Variants in TTC28 observed in about 807,000 individuals in gnomAD.
TTC28 encodes the protein tetratricopeptide repeat protein 28.
A neutral mutation model predicts 198.0 loss-of-function variants in TTC28; 61 were observed. That is an observed-to-expected ratio of 0.31 (90% CI 0.25 to 0.38). The LOEUF (loss-of-function observed/expected upper bound fraction) is 0.38, where lower values mean the gene tolerates loss of function less well. Ranked by LOEUF, TTC28 falls within the 10% of genes least tolerant of loss-of-function variation. TTC28 has a pLI of 1.00. For missense variants in TTC28, 2,678 were observed against 3,164.0 expected (o/e 0.85, Z 3.69); for synonymous variants, 1,171 against 1,297.8 (o/e 0.90, Z 2.10).
At chr22:28,035,838 T>TA (rs1939318857) in intron 12 of TTC28, among the ~76,000 whole-genome samples, 1 of 152,320 alleles carries the variant, frequency 6.6e-6, no homozygotes, top group Non-Finnish European at 1.5e-5. Context: ...GTTGCAATCT[T>TA]AGTCTCTGAT....
intron 5 of TTC28, among the ~76,000 whole-genome samples, chr22:28,164,204 C>T (rs1201963892): frequency 1.3e-5 from 2 of 152,226 alleles, no homozygotes; most frequent in Non-Finnish European, 2.9e-5. Flanking sequence ...CTTCTGTAGA[C>T]TCCACCTCTG....
intron 5 of TTC28, among the ~76,000 whole-genome samples, chr22:28,187,552 A>G (rs1924314337): frequency 6.6e-6 from 1 of 152,208 alleles, no homozygotes; most frequent in South Asian, 2.1e-4. Context: ...ACTGTTTCTC[A>G]GCACATCCAG....
intron 2 of TTC28, among the ~76,000 whole-genome samples, chr22:28,440,048 C>T (rs376406390): frequency 1.9e-4 from 29 of 152,204 alleles, no homozygotes; most frequent in African/African-American, 6.3e-4. Flanking sequence ...GCTGGCCAGG[C>T]CGGTCTCGAA....
intron 2 of TTC28, among the ~76,000 whole-genome samples, chr22:28,480,956 T>C (rs1205476116): frequency 2.0e-5 from 3 of 152,176 alleles, no homozygotes; most frequent in African/African-American, 4.8e-5. Context: ...ATTTTATAAA[T>C]GAATAAACTG....
At chr22:28,503,060 C>T (rs529424265) in intron 2 of TTC28, among the ~76,000 whole-genome samples, 1 of 152,254 alleles carries the variant, frequency 6.6e-6, no homozygotes, top group South Asian at 2.1e-4. Context: ...ATGAAATTCC[C>T]TGACTACCTC....
intron 2 of TTC28, among the ~76,000 whole-genome samples, chr22:28,403,174 G>C (rs5752740): frequency 6.6e-6 from 1 of 152,148 alleles, no homozygotes; most frequent in Non-Finnish European, 1.5e-5. Context: ...GACTTATAGA[G>C]GGAATACAGA....
chr22:28,120,752 C>G (rs1230538320), intron 6 of TTC28, among the ~76,000 whole-genome samples: 1 of 152,192 alleles, frequency 6.6e-6, no homozygotes, highest in African/African-American at 2.4e-5. Flanking sequence ...TTTTACCTTG[C>G]AAATTCAATT....
intron 2 of TTC28, among the ~76,000 whole-genome samples, chr22:28,466,816 T>TACACACACAC (rs1250614587): frequency 9.9e-5 from 7 of 70,538 alleles, no homozygotes; most frequent in African/African-American, 1.2e-4. Flanking sequence ...ATTATATACA[T>TACACACACAC]ACATACACAC....
chr22:28,078,893 C>A (rs975496157), intron 12 of TTC28, among the ~76,000 whole-genome samples: 1 of 152,064 alleles, frequency 6.6e-6, no homozygotes, highest in Non-Finnish European at 1.5e-5. Context: ...GGGGGCAGAA[C>A]TTTACTTAGA....
chr22:28,050,323 T>C (rs1473533975), intron 12 of TTC28, among the ~76,000 whole-genome samples: 2 of 152,172 alleles, frequency 1.3e-5, no homozygotes, highest in African/African-American at 4.8e-5. Flanking sequence ...ACAGAGGCAT[T>C]TCCATTAGCA....
chr22:28,366,222 T>C (rs1164916362), intron 2 of TTC28, among the ~76,000 whole-genome samples: 1 of 152,172 alleles, frequency 6.6e-6, no homozygotes, highest in Non-Finnish European at 1.5e-5. Flanking sequence ...TGGACAAACA[T>C]GCAATCCTAT....
intron 5 of TTC28, among the ~76,000 whole-genome samples, chr22:28,228,722 C>A (rs1928558905): frequency 6.6e-6 from 1 of 151,602 alleles, no homozygotes; most frequent in Non-Finnish European, 1.5e-5. Context: ...AAACAAAAAA[C>A]ACACACACAC....
chr22:28,545,266 A>C (rs2049513443), intron 2 of TTC28, among the ~76,000 whole-genome samples: 1 of 152,118 alleles, frequency 6.6e-6, no homozygotes, highest in Non-Finnish European at 1.5e-5. Flanking sequence ...TCTACAAACA[A>C]ATTTTAAAAA....
At chr22:28,607,109 T>C (rs559011462) in intron 2 of TTC28, among the ~76,000 whole-genome samples, 1 of 152,252 alleles carries the variant, frequency 6.6e-6, no homozygotes, top group South Asian at 2.1e-4. Context: ...CTTGATAAGT[T>C]TCTCCCCAGT....
At chr22:28,272,325 G>A (rs1932142358) in intron 5 of TTC28, among the ~76,000 whole-genome samples, 2 of 152,254 alleles carry the variant, frequency 1.3e-5, no homozygotes, top group South Asian at 2.1e-4. Context: ...TTATGACCTC[G>A]GGAAGTGAGT....
At chr22:28,472,918 TGG>T (rs1208384278) in intron 2 of TTC28, among the ~76,000 whole-genome samples, 1 of 152,124 alleles carries the variant, frequency 6.6e-6, no homozygotes, top group Non-Finnish European at 1.5e-5. Flanking sequence ...AATATCAGAA[TGG>T]AGAAAGAAAG....
At chr22:28,131,451 T>C (rs1054448859) in intron 6 of TTC28, among the ~76,000 whole-genome samples, 1 of 152,236 alleles carries the variant, frequency 6.6e-6, no homozygotes, top group African/African-American at 2.4e-5. Context: ...CTGTACACCG[T>C]AGCATGCTGG....
chr22:27,988,464 T>C (rs1937289393), intron 21 of TTC28, among the ~76,000 whole-genome samples: 1 of 151,974 alleles, frequency 6.6e-6, no homozygotes, highest in African/African-American at 2.4e-5. Context: ...ATTTTTGTAT[T>C]TTTAGTAGAG....
At chr22:28,454,666 T>C (rs1195968205) in intron 2 of TTC28, among the ~76,000 whole-genome samples, 1 of 152,230 alleles carries the variant, frequency 6.6e-6, no homozygotes, top group African/African-American at 2.4e-5. Context: ...TGTCTTCATT[T>C]ACACTGATGA....
Sources: gnomAD v4.1 joint callset for allele counts (sites outside exome capture counted in the v4.1 genomes callset) on GRCh38, gnomAD v4.1.1 for gene constraint, MANE v1.5 for transcripts, NCBI Gene and HGNC (gene_info 2026-07-23, HGNC 2026-07-21) for gene names.